The following DYNC1H1 variants were observed in gnomAD, a reference collection of about 807,000 sequenced individuals.
DYNC1H1 encodes the protein dynein cytoplasmic 1 heavy chain 1, also known as cytoplasmic dynein 1 heavy chain 1.
In DYNC1H1, 51 loss-of-function variants were observed where a neutral mutation model predicts 527.1. The observed-to-expected ratio is 0.10, with a 90% CI of 0.08 to 0.12. The LOEUF (loss-of-function observed/expected upper bound fraction) is 0.12, where lower values mean the gene tolerates loss of function less well. Among genes scored for constraint, DYNC1H1 ranks in the 10% least tolerant of loss-of-function variants. DYNC1H1 has a pLI of 1.00. For synonymous variants in DYNC1H1, 2,189 were observed against 2,278.8 expected, an observed-to-expected ratio of 0.96 and a Z score of 1.12; for missense variants, 2,771 against 5,971.8, an observed-to-expected ratio of 0.46 and a Z score of 17.66.
At chr14:102,026,973 C>T (rs975466914) in intron 44 of DYNC1H1, 2 of 786,514 alleles carry the variant, frequency 2.5e-6, no homozygotes, top group African/African-American at 1.7e-5. Context: ...ATTAGTCTCT[C>T]ATGTCAGTCT....
intron 15 of DYNC1H1, among the ~76,000 whole-genome samples, chr14:101,995,605 C>T (rs1267015929): frequency 3.5e-5 from 5 of 143,018 alleles, no homozygotes; most frequent in East Asian, 4.2e-4. Flanking sequence ...AGTGAGACTC[C>T]GTCTCAAAAA....
At position 101,994,332 on chromosome 14, in the gene DYNC1H1, A is replaced by G; in HGVS notation, c.3156+8A>G. The G allele has an allele frequency of 1.2e-6, 2 of 1,614,134 alleles. No homozygotes were observed. Among genetic ancestry groups the G allele is most frequent in the Non-Finnish European group, 1.7e-6 (2 of 1,180,036 alleles). ...GTTGAACAGTATGTCAAGGTAAGAA[A>G]CTCCTAATTTCATTCAAATGTGCAT... On this transcript the variant is annotated splice_region_variant and intron_variant, in intron 12 of 77. Transcript: ENST00000360184.
In DYNC1H1 at chr14:102,055,153, C is replaced by T. The variant is rs2048862769; in HGVS notation, c.*4590C>T. 6.6e-6 allele frequency: 1 copy of T among 152,268 alleles called. No individual in the cohort carries two copies. The highest frequency in any genetic ancestry group is 1.5e-5 in the Non-Finnish European group (1 of 68,084). 9.4% of individuals were successfully genotyped at this position (152,268 alleles called of 1,614,324 possible). ...CCTCCTCTTCACTTCCACCCTCTCT[C>T]TTCCACCCCTGGAAGTCAGCTTTCT... On this transcript the variant is annotated 3_prime_UTR_variant, in exon 78 of 78. Coordinates refer to ENST00000360184, the MANE Select transcript of DYNC1H1 (RefSeq NM_001376.5).
At chr14:102,025,365 A>G (rs1453506535) in intron 43 of DYNC1H1, among the ~76,000 whole-genome samples, 1 of 151,584 alleles carries the variant, frequency 6.6e-6, no homozygotes, top group African/African-American at 2.4e-5. Flanking sequence ...AGATCGCGCC[A>G]TTGCACTCTA....
chr14:102,044,698 G>A lies in DYNC1H1; in HGVS notation c.13006G>A (p.Gly4336Ser), dbSNP rs778025706. 5 of 1,613,588 alleles carry A rather than the reference G, an allele frequency of 3.1e-6. No individual in the cohort carries two copies. The highest frequency in any genetic ancestry group is 1.1e-5 in the South Asian group (1 of 91,060). ...NAERVLLTTQGVDMISKMLKM... is the reference protein window; with the variant it reads ...NAERVLLTTQSVDMISKMLKM... ...CGAGAGAGTCCTCCTTACCACACAGGGTAGGCAACAAGGATCCTCCCCACA... is the reference window on the plus strand; with the variant it reads ...CGAGAGAGTCCTCCTTACCACACAGAGTAGGCAACAAGGATCCTCCCCACA... The change falls in exon 72 of 78, where the codon GGT (glycine) becomes AGT (serine). Residue 4336 changes from glycine to serine, a missense_variant and splice_region_variant. Coordinates refer to ENST00000360184, the MANE Select transcript of DYNC1H1 (RefSeq NM_001376.5). The surrounding 1 kb of genome is among the most constrained non-coding windows in gnomAD (Gnocchi z 7.1).
chr14:102,026,734 A>C, intron 44 of DYNC1H1, 27 bp downstream of exon 44: 1 of 1,610,850 alleles, frequency 6.2e-7, no homozygotes, highest in Non-Finnish European at 8.5e-7. Flanking sequence ...TTACAGCCCC[A>C]CCTCTCGCCT....
chr14:101,999,361 G>A (rs997910436), intron 16 of DYNC1H1, among the ~76,000 whole-genome samples: 8 of 151,912 alleles, frequency 5.3e-5, no homozygotes, highest in Admixed American at 2.0e-4. Flanking sequence ...CAGGCTGGTC[G>A]CAAACTCCTG....
At chr14:101,973,809 A>T (rs1481907582) in intron 1 of DYNC1H1, among the ~76,000 whole-genome samples, 2 of 152,174 alleles carry the variant, frequency 1.3e-5, no homozygotes, top group African/African-American at 2.4e-5. Flanking sequence ...GTCTCTAAAT[A>T]AATAAATTAA....
intron 9 of DYNC1H1, 56 bp downstream of exon 9, chr14:101,987,688 T>C (rs2047951479): frequency 6.3e-7 from 1 of 1,591,606 alleles, no homozygotes; most frequent in Non-Finnish European, 8.6e-7. Context: ...GACCCTCCAG[T>C]AAGCTTATTA....
At chr14:101,982,428 T>G (rs2047878075) in intron 5 of DYNC1H1, among the ~76,000 whole-genome samples, 2 of 151,790 alleles carry the variant, frequency 1.3e-5, no homozygotes, top group South Asian at 4.2e-4. Context: ...CCCGTGTTTG[T>G]AAAAATACAA....
rs566427366 is a variant in DYNC1H1, at chr14:101,970,340, T to C, written c.257-5372T>C. Among the ~76,000 whole-genome samples the C allele has an allele frequency of 2.4e-3, 371 of 151,634 alleles. 3 individuals are homozygous for C. Among genetic ancestry groups the C allele is most frequent in the African/African-American group, 8.4e-3 (346 of 41,284 alleles). The stretch of plus-strand genomic sequence containing the variant: ...CCTCAGGAGGATGAAAGGGTGGACA[T>C]GCAGGTGACAAGAGAAAGCGCCAGA... On this transcript the variant is annotated intron_variant, in intron 1 of 77. Coordinates refer to ENST00000360184, the MANE Select transcript of DYNC1H1 (RefSeq NM_001376.5).
intron 11 of DYNC1H1, among the ~76,000 whole-genome samples, chr14:101,993,434 C>G (rs775582379): frequency 9.2e-5 from 14 of 152,166 alleles, no homozygotes; most frequent in Non-Finnish European, 1.8e-4. Context: ...TCATGAAAGT[C>G]AAAGCCCCAG....
At chr14:102,030,023 T>A (rs1243915688) in intron 50 of DYNC1H1, 85 bp downstream of exon 50, 1 of 1,610,664 alleles carries the variant, frequency 6.2e-7, no homozygotes, top group Admixed American at 1.7e-5. Flanking sequence ...TCCAAATGGG[T>A]CTTAGGGTTA....
intron 10 of DYNC1H1, among the ~76,000 whole-genome samples, chr14:101,990,807 G>C (rs888553508): frequency 6.6e-6 from 1 of 151,964 alleles, no homozygotes; most frequent in Non-Finnish European, 1.5e-5. Context: ...TCAAGAGATA[G>C]AGACCATCCT....
At chr14:102,030,981 C>G (rs1281089652) in intron 51 of DYNC1H1, among the ~76,000 whole-genome samples, 1 of 151,420 alleles carries the variant, frequency 6.6e-6, no homozygotes, top group Non-Finnish European at 1.5e-5. Flanking sequence ...TAAATGAAAA[C>G]AAAAGAAAAA....
intron 52 of DYNC1H1, 40 bp downstream of exon 52, chr14:102,032,507 A>C (rs370411808): frequency 6.2e-7 from 1 of 1,613,380 alleles, no homozygotes; most frequent in Non-Finnish European, 8.5e-7. Context: ...CAGAAATTGA[A>C]ATCAGTTGTT....
chr14:101,973,302 G>A (rs1345914732), intron 1 of DYNC1H1, among the ~76,000 whole-genome samples: 1 of 151,292 alleles, frequency 6.6e-6, no homozygotes, highest in Non-Finnish European at 1.5e-5. Context: ...GAAATTACAG[G>A]TGCCAACCAC....
chr14:101,967,560 C>G (rs1378788889), intron 1 of DYNC1H1, among the ~76,000 whole-genome samples: 1 of 152,166 alleles, frequency 6.6e-6, no homozygotes, highest in African/African-American at 2.4e-5. Flanking sequence ...CAGCATTGAG[C>G]TGGGTGCGGT....
intron 74 of DYNC1H1, chr14:102,048,944 A>C: frequency 2.0e-6 from 1 of 491,156 alleles, no homozygotes. Flanking sequence ...ACGACAGTGA[A>C]TGGGGAATGT....
Sources: gnomAD v4.1 joint callset for allele counts (sites outside exome capture counted in the v4.1 genomes callset) on GRCh38, gnomAD v4.1.1 for gene constraint, Gnocchi (gnomAD v3.1) non-coding constraint, MANE v1.5 for transcripts, NCBI Gene and HGNC (gene_info 2026-07-23, HGNC 2026-07-21) for gene names.